ZPBP: variants seen among roughly 807,000 people sequenced by gnomAD.
ZPBP encodes zona pellucida-binding protein 1.
Under a neutral mutation model 44.8 loss-of-function variants are expected in ZPBP, and 26 were observed. The ratio of observed to expected loss-of-function variants is 0.58; its 90% CI spans 0.43 to 0.81. The LOEUF is 0.81. Ranked by LOEUF, ZPBP falls within the 30% of genes least tolerant of loss-of-function variation. The pLI, the probability that ZPBP is intolerant of heterozygous loss-of-function variation, is 0.00. For synonymous variants in ZPBP, 174 were observed against 153.2 expected (o/e 1.14, Z -1.00); for missense variants, 409 against 434.0 (o/e 0.94, Z 0.51).
chr7:50,006,113 T>C (rs1480832652), intron 6 of ZPBP, among the ~76,000 whole-genome samples: 2 of 151,814 alleles, frequency 1.3e-5, no homozygotes, highest in African/African-American at 4.8e-5. Flanking sequence ...CATAAATATA[T>C]ATACACCAAA....
At chr7:50,085,134 A>C (rs1232222352) in intron 2 of ZPBP, among the ~76,000 whole-genome samples, 1 of 152,104 alleles carries the variant, frequency 6.6e-6, no homozygotes, top group Non-Finnish European at 1.5e-5. Flanking sequence ...TGATCTCCTT[A>C]TAAAAAGGGG....
intron 1 of ZPBP, chr7:49,920,827 G>C (rs1268574161): frequency 6.6e-6 from 1 of 152,080 alleles, no homozygotes; most frequent in African/African-American, 2.4e-5. Flanking sequence ...AAGTCTGTGT[G>C]ATGCTTTACA....
At chr7:49,966,889 C>G (rs761629875) in intron 7 of ZPBP, among the ~76,000 whole-genome samples, 4 of 152,040 alleles carry the variant, frequency 2.6e-5, no homozygotes, top group Non-Finnish European at 5.9e-5. Context: ...ATGGCATACA[C>G]AGGAGACCCA....
chr7:50,040,835 G>C lies in ZPBP; in HGVS notation c.488-9525C>G, dbSNP rs180753987. Among the ~76,000 whole-genome samples, 179 of 152,164 alleles carry C rather than the reference G, an allele frequency of 1.2e-3. 2 individuals are homozygous for C. The highest frequency in any genetic ancestry group is 4.1e-3 in the African/African-American group (172 of 41,526). On this transcript the variant is annotated intron_variant, in intron 4 of 7. Coordinates refer to ENST00000046087, the MANE Select transcript of ZPBP (RefSeq NM_007009.3). The stretch of plus-strand genomic sequence containing the variant: ...CATTCACTCCCCTGGAAAGGGGGCT[G>C]AAACCAGGGAGCCAAGTAGTCTAGC...
chr7:50,007,777 T>C (rs140693035), intron 6 of ZPBP, among the ~76,000 whole-genome samples: 3,232 of 152,002 alleles, frequency 0.021, 271 homozygotes, highest in Admixed American at 0.15. Context: ...AAAATATATA[T>C]TTTTCAACCG....
At chr7:50,065,965 T>C (rs913266010) in intron 3 of ZPBP, among the ~76,000 whole-genome samples, 6 of 151,132 alleles carry the variant, frequency 4.0e-5, no homozygotes, top group Admixed American at 1.3e-4. Flanking sequence ...GTCCTTGTCT[T>C]ACAATTTCAT....
At chr7:50,013,629 A>G (rs1354515770) in intron 6 of ZPBP, among the ~76,000 whole-genome samples, 2 of 152,068 alleles carry the variant, frequency 1.3e-5, no homozygotes, top group Non-Finnish European at 2.9e-5. Context: ...GAATTTTCCA[A>G]TATAAACTTT....
At chr7:49,979,824 CATATAT>C (rs56222305) in intron 7 of ZPBP, among the ~76,000 whole-genome samples, 47 of 112,408 alleles carry the variant, frequency 4.2e-4, no homozygotes, top group African/African-American at 1.3e-3. Flanking sequence ...TGGAGTTATA[CATATAT>C]ATATATATAT....
chr7:50,013,405 A>G (rs1798674356), intron 6 of ZPBP, among the ~76,000 whole-genome samples: 1 of 152,018 alleles, frequency 6.6e-6, no homozygotes, highest in Non-Finnish European at 1.5e-5. Context: ...TGGCATGTAC[A>G]GAAGTTCAAC....
intron 7 of ZPBP, among the ~76,000 whole-genome samples, chr7:49,982,461 C>G (rs1797070944): frequency 6.9e-6 from 1 of 145,878 alleles, no homozygotes; most frequent in African/African-American, 2.5e-5. Flanking sequence ...CCTAATATTC[C>G]TGTGTACTAT....
chr7:49,876,928 CA>C (rs1791436942), intron 2 of ZPBP, among the ~76,000 whole-genome samples: 1 of 151,942 alleles, frequency 6.6e-6, no homozygotes, highest in Admixed American at 6.6e-5. Context: ...GCACTCCTGT[CA>C]GTGTCTTTGC....
At chr7:50,038,051 A>C (rs1257018631) in intron 4 of ZPBP, among the ~76,000 whole-genome samples, 1 of 152,134 alleles carries the variant, frequency 6.6e-6, no homozygotes, top group African/African-American at 2.4e-5. Flanking sequence ...TGAGTCCTCC[A>C]TCACCCTTAC....
At chr7:49,942,507 A>C (rs1465648208) in intron 7 of ZPBP, 1 of 67,546 alleles carries the variant, frequency 1.5e-5, no homozygotes, top group Admixed American at 1.2e-4. Flanking sequence ...TCTTCTTCAG[A>C]TATTTTTCTC....
intron 7 of ZPBP, among the ~76,000 whole-genome samples, chr7:49,947,648 T>G: frequency 6.6e-6 from 1 of 152,230 alleles, no homozygotes; most frequent in Non-Finnish European, 1.5e-5. Flanking sequence ...GTGACTGCAC[T>G]GGGTCAGACC....
chr7:50,093,042 GCCGGCAGGGCGGCGCGGAC>G lies in ZPBP; in HGVS notation c.127+7_127+25del, dbSNP rs779271739. On this transcript the variant is annotated splice_region_variant and intron_variant, in intron 1 of 7. Transcript: ENST00000046087. ...GGGAAGCTGCGGTTGTCCCTGCGGA[GCCGGCAGGGCGGCGCGGAC>G]CCTCACCTGATGAGGGCACCCGCAC... is the stretch of plus-strand genomic sequence containing the variant. 6.3e-6 allele frequency: 10 copies of G among 1,590,336 alleles called. No individual in the cohort carries two copies. In the South Asian group the frequency reaches 1.0e-4, roughly 16 times the overall value.
chr7:49,988,195 T>A (rs1797402930), intron 6 of ZPBP, among the ~76,000 whole-genome samples: 1 of 152,182 alleles, frequency 6.6e-6, no homozygotes, highest in Non-Finnish European at 1.5e-5. Context: ...TTTTTGCTTT[T>A]AAAAAAATTC....
chr7:50,030,444 G>A (rs927487415), intron 5 of ZPBP, among the ~76,000 whole-genome samples: 2 of 151,258 alleles, frequency 1.3e-5, no homozygotes, highest in African/African-American at 4.9e-5. Flanking sequence ...AAAGAGAAGG[G>A]AAAGTCAGGG....
chr7:49,905,048 C>G (rs1793012976), intron 1 of ZPBP, among the ~76,000 whole-genome samples: 1 of 152,054 alleles, frequency 6.6e-6, no homozygotes, highest in African/African-American at 2.4e-5. Flanking sequence ...TGTATTAATT[C>G]TAATTGTTAT....
intron 5 of ZPBP, among the ~76,000 whole-genome samples, 157 bp downstream of exon 5, chr7:50,030,935 A>T (rs1694396124): frequency 6.6e-6 from 1 of 152,230 alleles, no homozygotes; most frequent in Admixed American, 6.5e-5. Flanking sequence ...ATTCTATTTG[A>T]GGGGTTAACA....
Sources: allele counts gnomAD v4.1 joint callset (sites outside exome capture counted in the v4.1 genomes callset), GRCh38; gene constraint gnomAD v4.1.1; transcripts MANE v1.5; gene names NCBI Gene and HGNC (gene_info 2026-07-23, HGNC 2026-07-21).